ERBB4: variants seen among roughly 807,000 people sequenced by gnomAD.
ERBB4 encodes receptor tyrosine-protein kinase erbB-4.
Under a neutral mutation model 158.0 loss-of-function variants are expected in ERBB4, and 42 were observed. The ratio of observed to expected loss-of-function variants is 0.27; its 90% CI spans 0.21 to 0.34. ERBB4 has a LOEUF of 0.34. Ranked by LOEUF, ERBB4 falls within the 10% of genes least tolerant of loss-of-function variation. The pLI, the probability that ERBB4 is intolerant of heterozygous loss-of-function variation, is 1.00. For synonymous variants in ERBB4, 583 were observed against 558.7 expected (o/e 1.04, Z -0.61); for missense variants, 1,333 against 1,624.1 (o/e 0.82, Z 3.08).
intron 15 of ERBB4, among the ~76,000 whole-genome samples, chr2:211,662,346 C>A (rs1171013196): frequency 1.3e-5 from 2 of 152,056 alleles, no homozygotes; most frequent in Non-Finnish European, 2.9e-5. Context: ...TAAAAAAATT[C>A]TATCTTGCTA....
chr2:212,359,488 T>C, intron 1 of ERBB4, among the ~76,000 whole-genome samples: 1 of 151,266 alleles, frequency 6.6e-6, no homozygotes, highest in South Asian at 2.1e-4. Context: ...GGCTAATGTA[T>C]CTGTTTTTTC....
At chr2:212,282,653 C>G (rs1191495529) in intron 1 of ERBB4, among the ~76,000 whole-genome samples, 1 of 151,786 alleles carries the variant, frequency 6.6e-6, no homozygotes, top group Admixed American at 6.6e-5. Flanking sequence ...CTTGGCTAAC[C>G]TCCATAATCA....
chr2:212,361,123 T>A (rs1370889383), intron 1 of ERBB4, among the ~76,000 whole-genome samples: 1 of 151,682 alleles, frequency 6.6e-6, no homozygotes, highest in African/African-American at 2.4e-5. Flanking sequence ...CCAAGGTCCA[T>A]AAAGAATTTG....
At chr2:211,880,587 A>T (rs996160233) in intron 3 of ERBB4, among the ~76,000 whole-genome samples, 2 of 152,212 alleles carry the variant, frequency 1.3e-5, no homozygotes, top group African/African-American at 4.8e-5. Flanking sequence ...AAATAAACCC[A>T]TACTAACATG....
At chr2:211,661,193 A>T (rs996208005) in intron 15 of ERBB4, among the ~76,000 whole-genome samples, 1 of 152,204 alleles carries the variant, frequency 6.6e-6, no homozygotes, top group Non-Finnish European at 1.5e-5. Flanking sequence ...GTATGACTGA[A>T]GTGGCACCAT....
At chr2:211,742,720 G>A (rs1209512791) in intron 5 of ERBB4, among the ~76,000 whole-genome samples, 3 of 151,766 alleles carry the variant, frequency 2.0e-5, no homozygotes, top group Non-Finnish European at 4.4e-5. Flanking sequence ...AATTTTCCTA[G>A]CATATTCTAT....
chr2:211,917,317 G>GA (rs11464744), intron 3 of ERBB4, among the ~76,000 whole-genome samples: 57,102 of 150,986 alleles, frequency 0.38, 10,860 homozygotes, highest in East Asian at 0.53. Context: ...CAGAGATATG[G>GA]AAAAAAAAAT....
intron 1 of ERBB4, among the ~76,000 whole-genome samples, chr2:212,355,025 T>C (rs2089413770): frequency 6.6e-6 from 1 of 152,054 alleles, no homozygotes; most frequent in Non-Finnish European, 1.5e-5. Context: ...TAATTTAAAT[T>C]GCATATTTTA....
intron 1 of ERBB4, among the ~76,000 whole-genome samples, chr2:212,536,105 G>A (rs1484754527): frequency 6.6e-6 from 1 of 152,042 alleles, no homozygotes; most frequent in Non-Finnish European, 1.5e-5. Context: ...TTCTCATTTG[G>A]ACCAAAACAA....
chr2:211,706,383 C>T (rs923079518), intron 9 of ERBB4, among the ~76,000 whole-genome samples: 3 of 152,048 alleles, frequency 2.0e-5, no homozygotes, highest in South Asian at 4.1e-4. Context: ...TATCAATCAA[C>T]GTGTTCCACA....
chr2:211,612,658 A>G (rs1322249726), intron 19 of ERBB4, among the ~76,000 whole-genome samples: 2 of 151,976 alleles, frequency 1.3e-5, no homozygotes, highest in East Asian at 3.9e-4. Flanking sequence ...GAGCTCTGTA[A>G]GCTAAGAATC....
Position 211,943,052 on chromosome 2 carries a change from C to T in ERBB4, c.421+4378G>A, listed in dbSNP as rs188908092. ...AATAGATAAGAACTTAAGTATTTAT[C>T]TTCCCATTTGGGATATAAATAGATA... is the stretch of plus-strand genomic sequence containing the variant. On this transcript the variant is annotated intron_variant, in intron 3 of 27. Coordinates refer to ENST00000342788, the MANE Select transcript of ERBB4 (RefSeq NM_005235.3). 5.8e-3 allele frequency among the ~76,000 whole-genome samples: 889 copies of T among 152,112 alleles called. 5 individuals are homozygous for T. The highest frequency in any genetic ancestry group is 0.01 in the Middle Eastern group (3 of 292).
At chr2:211,806,221 G>T (rs1287479493) in intron 3 of ERBB4, among the ~76,000 whole-genome samples, 1 of 152,094 alleles carries the variant, frequency 6.6e-6, no homozygotes, top group Non-Finnish European at 1.5e-5. Flanking sequence ...AGGGATATAA[G>T]AAAGGCAGAG....
chr2:211,563,558 A>G (rs1185462331), intron 19 of ERBB4, among the ~76,000 whole-genome samples: 1 of 152,212 alleles, frequency 6.6e-6, no homozygotes, highest in African/African-American at 2.4e-5. Flanking sequence ...CTTGGATAAA[A>G]AAATATATAA....
intron 1 of ERBB4, among the ~76,000 whole-genome samples, chr2:212,221,913 A>G (rs966716386): frequency 1.3e-5 from 2 of 151,526 alleles, no homozygotes; most frequent in Non-Finnish European, 3.0e-5. Context: ...AAAGAATATT[A>G]TATAAAAATT....
chr2:212,118,423 T>TA (rs1487117046), intron 2 of ERBB4, among the ~76,000 whole-genome samples: 1 of 152,194 alleles, frequency 6.6e-6, no homozygotes, highest in African/African-American at 2.4e-5. Flanking sequence ...TCTGCCTTCC[T>TA]ACAAATGTTT....
chr2:212,251,891 G>A (rs1219564669), intron 1 of ERBB4, among the ~76,000 whole-genome samples: 1 of 151,896 alleles, frequency 6.6e-6, no homozygotes, highest in Non-Finnish European at 1.5e-5. Context: ...TTACATTTTA[G>A]CACTCTAGCT....
intron 2 of ERBB4, among the ~76,000 whole-genome samples, chr2:211,953,874 A>T (rs199949779): frequency 1.9e-4 from 11 of 57,674 alleles, no homozygotes; most frequent in African/African-American, 7.6e-4. Context: ...ATGATTTTTT[A>T]AAAATGACAA....
chr2:211,693,469 T>C (rs1229044814), intron 12 of ERBB4, among the ~76,000 whole-genome samples: 4 of 152,138 alleles, frequency 2.6e-5, no homozygotes, highest in Non-Finnish European at 4.4e-5. Flanking sequence ...ATTAAATATA[T>C]GGTTTTAAGC....
Sources: gnomAD v4.1 joint callset for allele counts (sites outside exome capture counted in the v4.1 genomes callset) on GRCh38, gnomAD v4.1.1 for gene constraint, MANE v1.5 for transcripts, NCBI Gene and HGNC (gene_info 2026-07-23, HGNC 2026-07-21) for gene names.